Variants in CHSY3 observed in about 807,000 individuals in gnomAD.
CHSY3 encodes chondroitin sulfate synthase 3, also known as N-acetylgalactosaminyl-proteoglycan 3-beta-glucuronosyltransferase 3.
Under a neutral mutation model 67.2 loss-of-function variants are expected in CHSY3, and 35 were observed. That is an observed-to-expected ratio of 0.52 (90% CI 0.40 to 0.69). CHSY3 has a LOEUF of 0.69. Among genes scored for constraint, CHSY3 ranks in the 30% least tolerant of loss-of-function variants. The probability of loss-of-function intolerance (pLI) is 0.00; values close to 1 mark genes in which losing one functional copy is unlikely to be tolerated. For missense variants in CHSY3, 1,069 were observed against 1,138.5 expected, an observed-to-expected ratio of 0.94 and a Z score of 0.88; for synonymous variants, 474 against 434.7, an observed-to-expected ratio of 1.09 and a Z score of -1.12.
intron 2 of CHSY3, among the ~76,000 whole-genome samples, chr5:130,038,176 T>C (rs777532453): frequency 2.0e-5 from 3 of 152,144 alleles, no homozygotes; most frequent in Admixed American, 6.6e-5. Context: ...TAAATACCTC[T>C]GGCTAGGAAA....
chr5:130,146,646 C>T (rs1025310632), intron 2 of CHSY3, among the ~76,000 whole-genome samples: 10 of 151,634 alleles, frequency 6.6e-5, no homozygotes, highest in South Asian at 6.2e-4. Context: ...ATGATAAATG[C>T]GTTTATCATT....
chr5:130,145,789 A>C (rs1769058224), intron 2 of CHSY3, among the ~76,000 whole-genome samples: 1 of 152,166 alleles, frequency 6.6e-6, no homozygotes, highest in Non-Finnish European at 1.5e-5. Context: ...AAATGGACAA[A>C]TGATATTAAT....
intron 2 of CHSY3, among the ~76,000 whole-genome samples, chr5:129,978,483 T>A (rs1283155691): frequency 6.6e-6 from 1 of 152,184 alleles, no homozygotes; most frequent in African/African-American, 2.4e-5. Context: ...TTGAATGCTC[T>A]TACAATTAAT....
At chr5:130,038,812 C>T (rs1764929053) in intron 2 of CHSY3, among the ~76,000 whole-genome samples, 1 of 151,970 alleles carries the variant, frequency 6.6e-6, no homozygotes, top group South Asian at 2.1e-4. Context: ...GGGTGAGTGC[C>T]TGGTTTATAA....
At position 130,066,003 on chromosome 5, in the gene CHSY3, A is replaced by G. The variant is rs565749032; in HGVS notation, c.1087-118226A>G. Among the ~76,000 whole-genome samples, 7 of 152,156 alleles carry G rather than the reference A, an allele frequency of 4.6e-5. 1 individual carries two copies. The highest frequency in any genetic ancestry group is 1.7e-4 in the African/African-American group (7 of 41,536). ...TATTCCCAAACACATTTTGGCTTCT[A>G]CCATGGAAAATAATCCAAAACTTGG... On this transcript the variant is annotated intron_variant, in intron 2 of 2. Coordinates refer to ENST00000305031, the MANE Select transcript of CHSY3 (RefSeq NM_175856.5).
chr5:130,169,553 G>T (rs1769842064), intron 2 of CHSY3, among the ~76,000 whole-genome samples: 1 of 151,960 alleles, frequency 6.6e-6, no homozygotes, highest in African/African-American at 2.4e-5. Flanking sequence ...TCCTAAGTTT[G>T]TCCTAACTTT....
chr5:130,031,491 G>T (rs1019387207), intron 2 of CHSY3, among the ~76,000 whole-genome samples: 1 of 152,074 alleles, frequency 6.6e-6, no homozygotes, highest in African/African-American at 2.4e-5. Flanking sequence ...AGATGGGTGG[G>T]TATTTGTTTA....
intron 2 of CHSY3, among the ~76,000 whole-genome samples, chr5:130,009,727 A>G (rs1459820571): frequency 6.6e-6 from 1 of 152,142 alleles, no homozygotes; most frequent in Non-Finnish European, 1.5e-5. Flanking sequence ...ACCCAAATGT[A>G]TGCTGTCCTC....
chr5:129,939,411 C>T (rs1761626082), intron 2 of CHSY3, among the ~76,000 whole-genome samples: 1 of 152,120 alleles, frequency 6.6e-6, no homozygotes, highest in Non-Finnish European at 1.5e-5. Context: ...TCACTCTTGT[C>T]AAAAGAATTT....
At chr5:130,167,375 A>G (rs1769778112) in intron 2 of CHSY3, among the ~76,000 whole-genome samples, 1 of 152,104 alleles carries the variant, frequency 6.6e-6, no homozygotes, top group Non-Finnish European at 1.5e-5. Flanking sequence ...TTGAAAGGAT[A>G]GCTAATAGTA....
intron 2 of CHSY3, among the ~76,000 whole-genome samples, chr5:130,049,522 C>T (rs982878853): frequency 6.6e-6 from 1 of 151,914 alleles, no homozygotes; most frequent in Non-Finnish European, 1.5e-5. Flanking sequence ...AAATTAGGGA[C>T]CCTAACTAGA....
At chr5:130,102,190 C>A (rs2068651518) in intron 2 of CHSY3, among the ~76,000 whole-genome samples, 1 of 152,046 alleles carries the variant, frequency 6.6e-6, no homozygotes, top group African/African-American at 2.4e-5. Flanking sequence ...TATTAAAGAA[C>A]AAAACATCAA....
intron 2 of CHSY3, among the ~76,000 whole-genome samples, chr5:130,142,719 C>A (rs1020303570): frequency 2.6e-5 from 4 of 151,932 alleles, no homozygotes; most frequent in Non-Finnish European, 5.9e-5. Flanking sequence ...AGCTCCTAGG[C>A]TATTTGATCA....
At chr5:130,077,566 T>C (rs1398231778) in intron 2 of CHSY3, among the ~76,000 whole-genome samples, 1 of 152,160 alleles carries the variant, frequency 6.6e-6, no homozygotes. Context: ...GCAGTACATT[T>C]ATTTCAGCAA....
In CHSY3 at chr5:129,905,456, G is replaced by C; in HGVS notation, c.627G>C (p.Gln209His). Reference protein sequence around the residue: ...IPGRVEFFSSQQPPNAGQPPP... With the variant: ...IPGRVEFFSSHQPPNAGQPPP... The stretch of plus-strand genomic sequence containing the variant: ...GCCGCGTGGAGTTCTTTTCCAGCCA[G>C]CAGCCCCCCAACGCCGGCCAGCCCC... The change falls in exon 1 of 3, where the codon CAG becomes CAC. Residue 209 changes from glutamine (Q) to histidine (H), a missense_variant. Gln to His is a conservative substitution (Grantham distance 24). Coordinates refer to ENST00000305031, the MANE Select transcript of CHSY3 (RefSeq NM_175856.5). The C allele has an allele frequency of 6.2e-7, 1 of 1,612,440 alleles. No homozygotes were observed. Among genetic ancestry groups the C allele is most frequent in the Non-Finnish European group, 8.5e-7 (1 of 1,179,958 alleles).
chr5:130,028,705 G>GTC (rs556295929), intron 2 of CHSY3, among the ~76,000 whole-genome samples: 15 of 151,908 alleles, frequency 9.9e-5, no homozygotes, highest in African/African-American at 3.6e-4. Context: ...CTCTGTCTCT[G>GTC]TCTCTCTCTT....
chr5:129,974,103 T>C, intron 2 of CHSY3, among the ~76,000 whole-genome samples: 1 of 152,174 alleles, frequency 6.6e-6, no homozygotes, highest in East Asian at 1.9e-4. Context: ...AAAGTCATAA[T>C]TTCATCAAGT....
At chr5:129,956,256 A>T (rs1289326537) in intron 2 of CHSY3, among the ~76,000 whole-genome samples, 2 of 152,054 alleles carry the variant, frequency 1.3e-5, no homozygotes, top group East Asian at 3.9e-4. Flanking sequence ...AATAATAGCC[A>T]TTTTGATGGT....
chr5:130,005,568 T>C (rs978414755), intron 2 of CHSY3, among the ~76,000 whole-genome samples: 5 of 152,224 alleles, frequency 3.3e-5, no homozygotes, highest in South Asian at 2.1e-4. Context: ...TCTGAAGATA[T>C]TGTGATGTTT....
Sources: allele counts gnomAD v4.1 joint callset (sites outside exome capture counted in the v4.1 genomes callset), GRCh38; gene constraint gnomAD v4.1.1; transcripts MANE v1.5; gene names NCBI Gene and HGNC (gene_info 2026-07-23, HGNC 2026-07-21).